The following CCDC170 variants were observed in gnomAD, a reference collection of about 807,000 sequenced individuals.
CCDC170 encodes coiled-coil domain-containing protein 170.
In CCDC170, 69 loss-of-function variants were observed where a neutral mutation model predicts 72.6. The observed-to-expected ratio is 0.95, with a 90% CI of 0.78 to 1.16. The LOEUF (loss-of-function observed/expected upper bound fraction) is 1.16, where lower values mean the gene tolerates loss of function less well. Among genes scored for constraint, CCDC170 ranks in the 50% most tolerant of loss-of-function variants. The pLI is 0.00. For synonymous variants in CCDC170, 300 were observed against 303.9 expected (o/e 0.99, Z 0.13); for missense variants, 852 against 832.5 (o/e 1.02, Z -0.29).
At chr6:151,518,917 G>A (rs933176721) in intron 1 of CCDC170, among the ~76,000 whole-genome samples, 5 of 152,206 alleles carry the variant, frequency 3.3e-5, no homozygotes, top group Non-Finnish European at 7.3e-5. Context: ...AAGATCACGT[G>A]CTTCTGAAGC....
intron 5 of CCDC170, among the ~76,000 whole-genome samples, chr6:151,554,884 T>G (rs543261313): frequency 2.5e-4 from 36 of 143,694 alleles, no homozygotes; most frequent in Non-Finnish European, 4.4e-4. Context: ...TTTTTTTTTT[T>G]TTTTTTTTTT....
At position 151,618,125 on chromosome 6, in the gene CCDC170, G is replaced by A; in HGVS notation, c.2126G>A (p.Gly709Asp). 6.2e-7 allele frequency: 1 copy of A among 1,614,056 alleles called. No homozygotes were observed. Among genetic ancestry groups the A allele is most frequent in the Non-Finnish European group, 8.5e-7 (1 of 1,180,006 alleles). Residue 709 changes from glycine to aspartate, a missense_variant, in exon 11 of 11, where the codon GGC (glycine) becomes GAC (aspartate). Coordinates refer to ENST00000239374, the MANE Select transcript of CCDC170 (RefSeq NM_025059.4). ...VTTGQERHPQGHLQLLH is the reference protein window; with the variant it reads ...VTTGQERHPQDHLQLLH ...ACTGGGCAAGAGAGGCACCCACAAG[G>A]CCATTTACAGCTTCTTCATTGAACA...
chr6:151,601,717 A>G (rs1195714823), intron 9 of CCDC170, among the ~76,000 whole-genome samples: 2 of 152,224 alleles, frequency 1.3e-5, no homozygotes, highest in African/African-American at 2.4e-5. Context: ...TGTAGTAAAA[A>G]TATGAAGACT....
intron 6 of CCDC170, among the ~76,000 whole-genome samples, chr6:151,575,509 T>G (rs1173014498): frequency 7.2e-6 from 1 of 139,274 alleles, no homozygotes; most frequent in Non-Finnish European, 1.5e-5. Flanking sequence ...CAAGCACATT[T>G]TCTTTTCTTT....
intron 6 of CCDC170, among the ~76,000 whole-genome samples, chr6:151,575,830 C>T (rs148100182): frequency 6.4e-4 from 97 of 152,132 alleles, no homozygotes; most frequent in African/African-American, 2.1e-3. Context: ...GCCCGGCTGC[C>T]AAGTGCATTT....
At chr6:151,555,114 C>G (rs1047884865) in intron 5 of CCDC170, among the ~76,000 whole-genome samples, 5 of 151,928 alleles carry the variant, frequency 3.3e-5, no homozygotes, top group Admixed American at 2.0e-4. Context: ...GAACTCCTGA[C>G]CTCGTGGTCC....
At chr6:151,617,731 C>T (rs1776992531) in intron 10 of CCDC170, among the ~76,000 whole-genome samples, 2 of 152,110 alleles carry the variant, frequency 1.3e-5, no homozygotes, top group Admixed American at 1.3e-4. Context: ...GTTGGCTCAT[C>T]AGAAAAGTGA....
intron 10 of CCDC170, 60 bp from the exon 11 acceptor site, chr6:151,617,887 C>T: frequency 5.2e-6 from 8 of 1,526,696 alleles, no homozygotes; most frequent in Non-Finnish European, 7.1e-6. Flanking sequence ...TTGCATTTGG[C>T]TCAGCAGTAG....
In CCDC170 at chr6:151,548,400, A is replaced by G. The variant is rs1782812693; in HGVS notation, c.685A>G (p.Arg229Gly). 2.5e-6 allele frequency: 4 copies of G among 1,613,110 alleles called. No individual in the cohort carries two copies. Among genetic ancestry groups the G allele is most frequent in the African/African-American group, 2.7e-5 (2 of 74,920 alleles). Residue 229 changes from arginine (R) to glycine (G), a missense_variant, in exon 5 of 11, where the codon AGA becomes GGA. Physicochemically the swap from Arg to Gly is moderately radical, Grantham distance 125. Coordinates refer to ENST00000239374, the MANE Select transcript of CCDC170 (RefSeq NM_025059.4). ...CCATGAGATGGAAGCAAAAGCTAGCAGAGAAACGATCATGAGGCTGGCTTC... is the reference window on the plus strand; with the variant it reads ...CCATGAGATGGAAGCAAAAGCTAGCGGAGAAACGATCATGAGGCTGGCTTC... ...NVHEMEAKAS[R>G]ETIMRLASEV... is the part of the protein sequence containing the mutation.
intron 6 of CCDC170, among the ~76,000 whole-genome samples, chr6:151,577,003 C>A (rs549258040): frequency 6.6e-6 from 1 of 152,132 alleles, no homozygotes; most frequent in Admixed American, 6.5e-5. Flanking sequence ...CCTGTGTTTG[C>A]AATTCTCAGT....
intron 4 of CCDC170, 119 bp from the exon 5 acceptor site, chr6:151,548,185 T>C: frequency 3.6e-6 from 3 of 839,120 alleles, no homozygotes; most frequent in Non-Finnish European, 3.4e-6. Context: ...TTCCAGTCCA[T>C]GTAGGGATAG....
intron 6 of CCDC170, among the ~76,000 whole-genome samples, chr6:151,582,986 C>CTTTTTTTT (rs35947074): frequency 3.2e-5 from 3 of 94,234 alleles, no homozygotes; most frequent in African/African-American, 1.5e-4. Flanking sequence ...TGGAGTAGCA[C>CTTTTTTTT]TTTTTTTTTT....
rs756233125 is a variant in CCDC170 at position 151,593,094 on chromosome 6, T to C, written c.1294-13T>C. On this transcript the variant is annotated splice_polypyrimidine_tract_variant and intron_variant, in intron 7 of 10. Transcript: ENST00000239374. ...CTTTCATGTCCCATTTTTGTTTCTGTTCTTGGGTTTAGTATCTTAAATTTC... is the reference window on the plus strand; with the variant it reads ...CTTTCATGTCCCATTTTTGTTTCTGCTCTTGGGTTTAGTATCTTAAATTTC... 11 of 1,614,002 alleles carry C rather than the reference T, an allele frequency of 6.8e-6. No homozygotes were observed. Among genetic ancestry groups the C allele is most frequent in the Non-Finnish European group, 9.3e-6 (11 of 1,179,896 alleles).
intron 1 of CCDC170, among the ~76,000 whole-genome samples, chr6:151,496,223 G>T (rs910120792): frequency 6.6e-6 from 1 of 152,176 alleles, no homozygotes; most frequent in African/African-American, 2.4e-5. Flanking sequence ...CACATCAGGA[G>T]GGGCATATAT....
At chr6:151,529,700 A>G (rs1257084572) in intron 1 of CCDC170, among the ~76,000 whole-genome samples, 1 of 152,194 alleles carries the variant, frequency 6.6e-6, no homozygotes, top group Non-Finnish European at 1.5e-5. Flanking sequence ...GAATATCTTT[A>G]TACATATCTC....
At chr6:151,593,010 T>A in intron 7 of CCDC170, 97 bp from the exon 8 acceptor site, 1 of 1,314,212 alleles carries the variant, frequency 7.6e-7, no homozygotes, top group South Asian at 1.3e-5. Context: ...CAAAGGAGAA[T>A]TACCTGTAAG....
At position 151,593,213 on chromosome 6, in the gene CCDC170, A is replaced by C. The variant is rs760911963; in HGVS notation, c.1400A>C (p.Gln467Pro). The C allele has an allele frequency of 3.7e-6, 6 of 1,614,090 alleles. No homozygotes were observed. Among genetic ancestry groups the C allele is most frequent in the Non-Finnish European group, 5.1e-6 (6 of 1,180,034 alleles). ...GACGTGGTTTTAGCTCGAACAGAGC[A>C]GCTGGTTCGTCTTGAGAGCAATGCA... The part of the protein sequence containing the change: ...RLDVVLARTE[Q>P]LVRLESNAVI... Residue 467 changes from glutamine (Q) to proline (P), a missense_variant, in exon 8 of 11, where the codon CAG becomes CCG. Physicochemically the swap from Gln to Pro is moderately conservative, Grantham distance 76 (BLOSUM62 -1). Transcript: ENST00000239374.
chr6:151,516,040 T>C (rs1312761420), intron 1 of CCDC170, among the ~76,000 whole-genome samples: 1 of 150,036 alleles, frequency 6.7e-6, no homozygotes, highest in Non-Finnish European at 1.5e-5. Flanking sequence ...CACTCCAGCC[T>C]GGTGACAGAG....
At chr6:151,565,072 T>C (rs1388822297) in intron 5 of CCDC170, among the ~76,000 whole-genome samples, 2 of 152,196 alleles carry the variant, frequency 1.3e-5, no homozygotes, top group East Asian at 3.9e-4. Context: ...ATATGTGCGA[T>C]GGTGGCCTGC....
Sources: gnomAD v4.1 joint callset for allele counts (sites outside exome capture counted in the v4.1 genomes callset) on GRCh38, gnomAD v4.1.1 for gene constraint, MANE v1.5 for transcripts, NCBI Gene and HGNC (gene_info 2026-07-23, HGNC 2026-07-21) for gene names.